FAM227A: variants seen among roughly 807,000 people sequenced by gnomAD.
The protein encoded by FAM227A is family with sequence similarity 227 member A, also known as protein FAM227A.
In FAM227A, 80 loss-of-function variants were observed where a neutral mutation model predicts 74.7. That is an observed-to-expected ratio of 1.07 (90% CI 0.89 to 1.29). The LOEUF (loss-of-function observed/expected upper bound fraction) is 1.29, where lower values mean the gene tolerates loss of function less well. Among genes scored for constraint, FAM227A ranks in the 50% most tolerant of loss-of-function variants. The probability of loss-of-function intolerance (pLI) is 0.00; values close to 1 mark genes in which losing one functional copy is unlikely to be tolerated. For missense variants in FAM227A, 654 were observed against 683.4 expected, an observed-to-expected ratio of 0.96 and a Z score of 0.48; for synonymous variants, 237 against 241.8, an observed-to-expected ratio of 0.98 and a Z score of 0.19.
chr22:38,590,932 G>A (rs376192957), intron 16 of FAM227A, among the ~76,000 whole-genome samples: 11 of 151,966 alleles, frequency 7.2e-5, no homozygotes, highest in African/African-American at 1.5e-4. Flanking sequence ...TTACAGGCAC[G>A]TACTGCCATG....
At chr22:38,616,605 G>A (rs1424877477) in intron 11 of FAM227A, among the ~76,000 whole-genome samples, 1 of 151,808 alleles carries the variant, frequency 6.6e-6, no homozygotes, top group Non-Finnish European at 1.5e-5. Context: ...GGTGGAGGTT[G>A]CAGTGAGCCA....
intron 10 of FAM227A, among the ~76,000 whole-genome samples, chr22:38,621,511 A>G (rs1412410136): frequency 6.6e-6 from 1 of 151,916 alleles, no homozygotes; most frequent in Non-Finnish European, 1.5e-5. Context: ...AGGCTGAGGC[A>G]GGAGAATCGC....
intron 12 of FAM227A, 113 bp from the exon 13 acceptor site, chr22:38,605,461 T>G: frequency 1.5e-6 from 1 of 655,786 alleles, no homozygotes; most frequent in South Asian, 1.8e-5. Context: ...AGTTAAATTT[T>G]GTAGTTTTAG....
intron 16 of FAM227A, among the ~76,000 whole-genome samples, chr22:38,590,279 C>CA (rs71197120): frequency 0.015 from 873 of 57,058 alleles, 11 homozygotes; most frequent in Middle Eastern, 0.03. Context: ...GACTCCATCT[C>CA]AAAAAAAAAA....
Position 38,581,276 on chromosome 22 carries a change from G to A in FAM227A, c.*4849C>T, listed in dbSNP as rs559602539. 6.6e-6 allele frequency: 1 copy of A among 152,114 alleles called. No homozygotes were observed. The highest frequency in any genetic ancestry group is 2.4e-5 in the African/African-American group (1 of 41,418). The allele number at this position is 152,114 out of a possible 1,614,324, so 9.4% of individuals were successfully genotyped here. A position where few individuals can be genotyped will look rare whatever the true frequency, so the allele number is the denominator to read the frequency against. On this transcript the variant is annotated 3_prime_UTR_variant, in exon 17 of 17. Transcript: ENST00000535113. ...TCCTTGGTGTTAAGTGTGATAAGAT[G>A]TTTCAGGTCTCATGATTTTCCTGCC...
intron 14 of FAM227A, among the ~76,000 whole-genome samples, chr22:38,599,107 C>CA (rs2091115214): frequency 6.6e-6 from 1 of 152,054 alleles, no homozygotes; most frequent in South Asian, 2.1e-4. Flanking sequence ...TACAGGCACG[C>CA]ACCACCAGGC....
At chr22:38,634,408 A>G (rs763688058) in intron 6 of FAM227A, among the ~76,000 whole-genome samples, 7 of 152,030 alleles carry the variant, frequency 4.6e-5, no homozygotes, top group Non-Finnish European at 1.0e-4. Context: ...TTCCTCTATT[A>G]TTGACCATTA....
intron 14 of FAM227A, among the ~76,000 whole-genome samples, chr22:38,598,010 T>C (rs1425750714): frequency 7.5e-6 from 1 of 134,092 alleles, no homozygotes; most frequent in African/African-American, 2.9e-5. Flanking sequence ...GCCACTGCAC[T>C]CCAGCCTAGG....
chr22:38,608,292 T>C (rs2091334553), intron 11 of FAM227A, among the ~76,000 whole-genome samples: 3 of 152,078 alleles, frequency 2.0e-5, no homozygotes, highest in Admixed American at 2.0e-4. Context: ...TGTGCTGCTG[T>C]ACTCTAGCCT....
At chr22:38,624,594 G>C (rs1456322955) in intron 9 of FAM227A, among the ~76,000 whole-genome samples, 1 of 152,178 alleles carries the variant, frequency 6.6e-6, no homozygotes, top group Non-Finnish European at 1.5e-5. Flanking sequence ...AAACTATGTG[G>C]CTTATGCTGA....
intron 16 of FAM227A, among the ~76,000 whole-genome samples, chr22:38,590,276 T>C (rs1181685902): frequency 2.1e-5 from 2 of 96,680 alleles, no homozygotes; most frequent in African/African-American, 8.2e-5. Context: ...GGAGACTCCA[T>C]CTCAAAAAAA....
intron 12 of FAM227A, among the ~76,000 whole-genome samples, chr22:38,606,304 C>T (rs1416105321): frequency 1.3e-5 from 2 of 152,140 alleles, no homozygotes; most frequent in Non-Finnish European, 2.9e-5. Flanking sequence ...GTAGCTCAGA[C>T]TACAGATGTG....
chr22:38,600,425 C>T (rs996359588), intron 13 of FAM227A, among the ~76,000 whole-genome samples: 1 of 151,854 alleles, frequency 6.6e-6, no homozygotes, highest in Admixed American at 6.6e-5. Context: ...CCTCCATCTC[C>T]TAGATTCAAG....
intron 14 of FAM227A, among the ~76,000 whole-genome samples, chr22:38,599,456 A>C (rs990737252): frequency 6.6e-6 from 1 of 152,202 alleles, no homozygotes; most frequent in African/African-American, 2.4e-5. Context: ...AGCACTATTT[A>C]GTTTCAATAT....
In FAM227A at chr22:38,586,117, G is replaced by A. The variant is rs939311409; in HGVS notation, c.*8C>T. 2.6e-6 allele frequency: 4 copies of A among 1,551,904 alleles called. No individual in the cohort carries two copies. In the African/African-American group the frequency reaches 4.1e-5, roughly 16 times the overall value. On this transcript the variant is annotated 3_prime_UTR_variant, in exon 17 of 17. Transcript: ENST00000535113. ...TAGGCGCTTCCTGGTTCTAGGTTGT[G>A]GAGCTCCTCAGGGCTTGGAAGTGAG...
chr22:38,655,181 A>G (rs1209626012), intron 1 of FAM227A, among the ~76,000 whole-genome samples: 2 of 151,740 alleles, frequency 1.3e-5, no homozygotes, highest in Non-Finnish European at 2.9e-5. Flanking sequence ...TAAAGCAATA[A>G]AAGAATGGCT....
At chr22:38,620,143 C>T in intron 11 of FAM227A, 69 bp downstream of exon 11, 1 of 1,115,876 alleles carries the variant, frequency 9.0e-7, no homozygotes, top group South Asian at 1.4e-5. Context: ...ACTGATGCTC[C>T]AGAAGAACCG....
At chr22:38,587,820 G>A (rs889690993) in intron 16 of FAM227A, among the ~76,000 whole-genome samples, 1 of 152,194 alleles carries the variant, frequency 6.6e-6, no homozygotes, top group African/African-American at 2.4e-5. Context: ...TACAAATGCA[G>A]AGATCTTCAA....
chr22:38,598,469 A>G (rs1243766557), intron 14 of FAM227A, among the ~76,000 whole-genome samples: 1 of 152,244 alleles, frequency 6.6e-6, no homozygotes, highest in Non-Finnish European at 1.5e-5. Context: ...TCTTTAGAGA[A>G]CAATGAAGTG....
Sources: allele counts gnomAD v4.1 joint callset (sites outside exome capture counted in the v4.1 genomes callset), GRCh38; gene constraint gnomAD v4.1.1; transcripts MANE v1.5; gene names NCBI Gene and HGNC (gene_info 2026-07-23, HGNC 2026-07-21).